Variants in PRH1 observed in about 807,000 individuals in gnomAD.
The protein encoded by PRH1 is salivary acidic proline-rich phosphoprotein 1/2.
Under a neutral mutation model 7.9 loss-of-function variants are expected in PRH1, and 7 were observed. The ratio of observed to expected loss-of-function variants is 0.89; its 90% confidence interval spans 0.50 to 1.67. PRH1 has a LOEUF of 1.67. PRH1 is among the 40% of genes most tolerant of loss of function. PRH1 has a pLI of 0.00. For missense variants in PRH1, 109 were observed against 223.6 expected (o/e 0.49, Z 3.27); for synonymous variants, 45 against 80.8 (o/e 0.56, Z 2.38).
intron 2 of PRH1, chr12:10,964,941 A>G: frequency 4.9e-6 from 3 of 612,370 alleles, no homozygotes; most frequent in South Asian, 1.6e-5. Context: ...ACCAAAAATA[A>G]CAAAGACCCC....
chr12:10,962,801 G>A (rs1360017437), intron 2 of PRH1, among the ~76,000 whole-genome samples: 3 of 152,166 alleles, frequency 2.0e-5, no homozygotes, highest in African/African-American at 4.8e-5. Context: ...ACGGAGTCTC[G>A]CTCTGTCGCC....
chr12:11,092,443 C>A, intron 1 of PRH1: 1 of 306,832 alleles, frequency 3.3e-6, no homozygotes, highest in Middle Eastern at 7.1e-4. Context: ...GAGTGAAAGG[C>A]AACCCAGGTA....
intron 2 of PRH1, among the ~76,000 whole-genome samples, chr12:10,949,123 T>A (rs1018031992): frequency 6.6e-6 from 1 of 152,198 alleles, no homozygotes. Flanking sequence ...TCAGTGTTTA[T>A]ATTCCTTTCC....
Position 11,080,702 on chromosome 12 carries a change from CATTA to C in PRH1, n.124-33518_124-33515del, listed in dbSNP as rs1416173646. Among the ~76,000 whole-genome samples the C allele has an allele frequency of 2.4e-5, 3 of 124,104 alleles. 1 individual carries two copies. Among genetic ancestry groups the C allele is most frequent in the African/African-American group, 8.2e-5 (3 of 36,450 alleles). 81.4% of individuals were successfully genotyped at this position (124,104 alleles called of 152,430 possible). ...GAATTACACACTTATTTTTCATTGT[CATTA>C]ATTTTTATTGCTCCTTGCATGTTCA... On this transcript the variant is annotated intron_variant and non_coding_transcript_variant, in intron 1 of 4. Transcript: ENST00000541977.
In PRH1 at chr12:10,938,247, A is replaced by G. The variant is rs746623581; in HGVS notation, c.-59+35408T>C. 5.2e-6 allele frequency: 8 copies of G among 1,541,014 alleles called. No individual in the cohort carries two copies. In the African/African-American group the frequency reaches 5.6e-5, roughly 11 times the overall value. On this transcript the variant is annotated intron_variant, in intron 2 of 3. Coordinates refer to the PRH1 transcript ENST00000539853. ...ATTTCTTAGGAGCTATTTTTTTTCT[A>G]ATATATTCAAGATGATTCTCTAAAT...
At chr12:11,153,260 C>T (rs1432463581) in intron 1 of PRH1, among the ~76,000 whole-genome samples, 2 of 152,090 alleles carry the variant, frequency 1.3e-5, no homozygotes, top group Non-Finnish European at 2.9e-5. Flanking sequence ...TTACTAGCTT[C>T]GGATTATGTA....
intron 1 of PRH1, among the ~76,000 whole-genome samples, chr12:11,111,211 T>TTAA (rs1945581171): frequency 6.6e-6 from 1 of 152,152 alleles, no homozygotes; most frequent in African/African-American, 2.4e-5. Flanking sequence ...GTGAGAGACT[T>TTAA]TAACACCCCA....
intron 1 of PRH1, chr12:11,158,654 A>AT: frequency 6.6e-6 from 1 of 152,326 alleles, no homozygotes; most frequent in Middle Eastern, 3.4e-3. Context: ...TTTAAGGAAA[A>AT]TTTCAGAATT....
chr12:11,026,622 A>C (rs1411529359), intron 1 of PRH1, among the ~76,000 whole-genome samples: 2 of 152,062 alleles, frequency 1.3e-5, no homozygotes, highest in African/African-American at 4.8e-5. Flanking sequence ...AAAACACTTG[A>C]AAGTTACAGG....
intron 1 of PRH1, among the ~76,000 whole-genome samples, chr12:11,012,891 GA>G (rs1294107543): frequency 3.9e-5 from 6 of 152,166 alleles, no homozygotes; most frequent in South Asian, 2.1e-4. Context: ...AGAAGGTTCA[GA>G]AAGGCAAGAT....
At chr12:11,165,317 TCC>T (rs1842421701) in intron 1 of PRH1, among the ~76,000 whole-genome samples, 1 of 141,022 alleles carries the variant, frequency 7.1e-6, no homozygotes, top group Admixed American at 7.1e-5. Flanking sequence ...TCTCCTTTTC[TCC>T]CTCTCTTTCA....
At chr12:11,064,662 C>T (rs1248537122) in intron 1 of PRH1, among the ~76,000 whole-genome samples, 2 of 152,006 alleles carry the variant, frequency 1.3e-5, no homozygotes, top group East Asian at 3.9e-4. Context: ...ATATAATTAC[C>T]CCAACAAGAC....
At chr12:11,049,656 C>A (rs575563991), upstream of PRH1, among the ~76,000 whole-genome samples, 1 of 152,124 alleles carries the variant, frequency 6.6e-6, no homozygotes, top group East Asian at 1.9e-4. Context: ...TGTCCAGCAT[C>A]GTCAGTTGTT....
chr12:11,085,534 A>T lies in PRH1; in HGVS notation n.124-38346T>A, dbSNP rs111638988. ...AATTTCTATGTGTACCTGATTTCTG[A>T]TTGTGCAGTAATGTTCTGGTTCCTT... On this transcript the variant is annotated intron_variant and non_coding_transcript_variant, in intron 1 of 4. Coordinates refer to the PRH1 transcript ENST00000541977. 3.4e-5 allele frequency among the ~76,000 whole-genome samples: 3 copies of T among 88,228 alleles called. 1 individual carries two copies. The highest frequency in any genetic ancestry group is 1.1e-4 in the African/African-American group (3 of 28,108). 57.9% of individuals were successfully genotyped at this position (88,228 alleles called of 152,430 possible). A position where few individuals can be genotyped will look rare whatever the true frequency, so the allele number is the denominator to read the frequency against.
downstream of PRH1, among the ~76,000 whole-genome samples, chr12:11,117,580 G>C (rs1340501283): frequency 1.3e-5 from 2 of 151,878 alleles, no homozygotes; most frequent in African/African-American, 2.4e-5. Flanking sequence ...AATTTATATA[G>C]AGCCACAACT....
intron 1 of PRH1, among the ~76,000 whole-genome samples, chr12:11,009,652 C>G (rs1940982056): frequency 6.6e-6 from 1 of 151,790 alleles, no homozygotes; most frequent in Non-Finnish European, 1.5e-5. Context: ...AGAATAAAAG[C>G]TTGGTCTAGC....
At chr12:11,075,195 C>T in intron 1 of PRH1, among the ~76,000 whole-genome samples, 1 of 111,186 alleles carries the variant, frequency 9.0e-6, no homozygotes, top group East Asian at 2.2e-4. Flanking sequence ...AGAAAGGATA[C>T]TAAAATATAT....
rs749934589 is a variant in PRH1, at chr12:11,062,087, C to G, written n.124-14899G>C. Reference sequence around the variant, plus strand: ...ATACTGTTAAAAGCTGGATTCAACTCAGTTGCATACCAATTTAATACTAAT... The same window carrying G: ...ATACTGTTAAAAGCTGGATTCAACTGAGTTGCATACCAATTTAATACTAAT... On this transcript the variant is annotated intron_variant and non_coding_transcript_variant, in intron 1 of 4. Coordinates refer to the PRH1 transcript ENST00000541977. 1.1e-5 allele frequency: 17 copies of G among 1,613,490 alleles called. No individual in the cohort carries two copies. Among genetic ancestry groups the G allele is most frequent in the South Asian group, 6.6e-5 (6 of 91,072 alleles).
intron 1 of PRH1, among the ~76,000 whole-genome samples, chr12:11,052,280 A>C (rs1178315899): frequency 4.1e-5 from 1 of 24,586 alleles, no homozygotes; most frequent in Non-Finnish European, 1.8e-4. Context: ...TCTGAAAAAT[A>C]TCATTTTCAA....
Sources: gnomAD v4.1 joint callset for allele counts (sites outside exome capture counted in the v4.1 genomes callset) on GRCh38, gnomAD v4.1.1 for gene constraint, MANE v1.5 for transcripts, NCBI Gene and HGNC (gene_info 2026-07-23, HGNC 2026-07-21) for gene names.